Variants in SLC24A2 observed in about 807,000 individuals in gnomAD.
SLC24A2 encodes solute carrier family 24 member 2, also known as sodium/potassium/calcium exchanger 2.
A neutral mutation model predicts 62.0 loss-of-function variants in SLC24A2; 36 were observed. The observed-to-expected ratio is 0.58, with a 90% CI of 0.44 to 0.77. SLC24A2 has a LOEUF of 0.77. Among genes scored for constraint, SLC24A2 ranks in the 30% least tolerant of loss-of-function variants. The pLI is 0.00. For synonymous variants in SLC24A2, 358 were observed against 294.0 expected, an observed-to-expected ratio of 1.22 and a Z score of -2.23; for missense variants, 846 against 817.9, an observed-to-expected ratio of 1.03 and a Z score of -0.42.
chr9:19,951,226 T>TTGTGTGTG, the SLC24A2 span, among the ~76,000 whole-genome samples: 99 of 146,070 alleles, frequency 6.8e-4, no homozygotes, highest in African/African-American at 1.8e-3. Context: ...TTTTCTTAAG[T>TTGTGTGTG]TGTGTGTGTG....
chr9:19,880,859 G>A, the SLC24A2 span, among the ~76,000 whole-genome samples: 1 of 152,170 alleles, frequency 6.6e-6, no homozygotes, highest in Non-Finnish European at 1.5e-5. Flanking sequence ...GCAGGATGTA[G>A]AGGTATAATT....
chr9:19,991,946 C>A, the SLC24A2 span, among the ~76,000 whole-genome samples: 264 of 152,152 alleles, frequency 1.7e-3, 2 homozygotes, highest in African/African-American at 6.0e-3. Flanking sequence ...GACTTGGGGA[C>A]TGGATGGATG....
intron 9 of SLC24A2, among the ~76,000 whole-genome samples, chr9:19,523,451 G>GTT (rs565870398): frequency 6.7e-6 from 1 of 150,098 alleles, no homozygotes; most frequent in African/African-American, 2.4e-5. Flanking sequence ...TAAAAATCTA[G>GTT]TTTTTTTTTT....
chr9:19,873,132 T>G, the SLC24A2 span, among the ~76,000 whole-genome samples: 2 of 152,136 alleles, frequency 1.3e-5, no homozygotes, highest in Non-Finnish European at 2.9e-5. Flanking sequence ...GATTATCAAA[T>G]CAGGTTTAAA....
chr9:19,677,318 C>G (rs1163515502), intron 2 of SLC24A2, among the ~76,000 whole-genome samples: 2 of 150,940 alleles, frequency 1.3e-5, no homozygotes, highest in Admixed American at 1.3e-4. Context: ...CCTCAGCAAA[C>G]TAACACAGGG....
At chr9:20,244,534 G>T in the SLC24A2 span, among the ~76,000 whole-genome samples, 1 of 152,180 alleles carries the variant, frequency 6.6e-6, no homozygotes, top group Non-Finnish European at 1.5e-5. Context: ...ACCACTCCAA[G>T]AGGCGCACCA....
At chr9:19,705,870 G>A (rs964446161) in intron 2 of SLC24A2, among the ~76,000 whole-genome samples, 1 of 152,120 alleles carries the variant, frequency 6.6e-6, no homozygotes, top group Non-Finnish European at 1.5e-5. Flanking sequence ...GTCAATTTTG[G>A]AATAGGTGTG....
At chr9:20,128,603 T>C in the SLC24A2 span, among the ~76,000 whole-genome samples, 5 of 152,196 alleles carry the variant, frequency 3.3e-5, no homozygotes, top group South Asian at 2.1e-4. Flanking sequence ...CAGAATATAT[T>C]TGTAGTGTGA....
intron 2 of SLC24A2, among the ~76,000 whole-genome samples, chr9:19,698,773 A>G (rs1199590837): frequency 1.3e-5 from 2 of 152,216 alleles, no homozygotes; most frequent in Non-Finnish European, 2.9e-5. Context: ...GTATTGCAGA[A>G]GGAAAGGAAT....
chr9:19,982,472 TTGAGA>T, the SLC24A2 span, among the ~76,000 whole-genome samples: 1 of 152,276 alleles, frequency 6.6e-6, no homozygotes, highest in East Asian at 1.9e-4. Flanking sequence ...GCAATGTGAC[TTGAGA>T]TGATTGATAT....
At chr9:19,964,607 C>T in the SLC24A2 span, among the ~76,000 whole-genome samples, 1 of 152,158 alleles carries the variant, frequency 6.6e-6, no homozygotes, top group South Asian at 2.1e-4. Context: ...GCCATATGTC[C>T]ACTTGGTTGG....
chr9:20,285,105 C>A, the SLC24A2 span, among the ~76,000 whole-genome samples: 1 of 152,092 alleles, frequency 6.6e-6, no homozygotes, highest in Non-Finnish European at 1.5e-5. Flanking sequence ...GGAGGTGGCA[C>A]GTCATATTCA....
chr9:19,814,944 G>A, the SLC24A2 span, among the ~76,000 whole-genome samples: 1 of 152,132 alleles, frequency 6.6e-6, no homozygotes, highest in African/African-American at 2.4e-5. Flanking sequence ...TGTTAGGTTT[G>A]GAAAATGTGG....
At chr9:20,096,087 CCGTCCGT>C in the SLC24A2 span, among the ~76,000 whole-genome samples, 2 of 107,142 alleles carry the variant, frequency 1.9e-5, no homozygotes, top group Middle Eastern at 5.2e-3. Context: ...ATCCATCCAT[CCGTCCGT>C]CCGTCCGTCC....
the SLC24A2 span, among the ~76,000 whole-genome samples, chr9:20,054,646 T>C: frequency 9.2e-5 from 14 of 152,176 alleles, no homozygotes; most frequent in African/African-American, 3.1e-4. Flanking sequence ...TGCATTCTCA[T>C]AGCTTAGATC....
At chr9:19,965,318 T>G in the SLC24A2 span, among the ~76,000 whole-genome samples, 5 of 152,178 alleles carry the variant, frequency 3.3e-5, no homozygotes, top group Admixed American at 6.5e-5. Flanking sequence ...GGCCCGGCTG[T>G]GTCCCTTTTA....
chr9:19,557,108 C>A (rs1835131086), intron 7 of SLC24A2, among the ~76,000 whole-genome samples: 1 of 152,176 alleles, frequency 6.6e-6, no homozygotes, highest in African/African-American at 2.4e-5. Flanking sequence ...AGTGCTAGGC[C>A]AACCCTGAGT....
At chr9:19,809,622 T>G in the SLC24A2 span, among the ~76,000 whole-genome samples, 1 of 152,122 alleles carries the variant, frequency 6.6e-6, no homozygotes, top group Non-Finnish European at 1.5e-5. Flanking sequence ...CCCTTCTCTT[T>G]GTCAGCCACA....
At chr9:20,049,379 G>A in the SLC24A2 span, among the ~76,000 whole-genome samples, 2 of 151,948 alleles carry the variant, frequency 1.3e-5, no homozygotes, top group South Asian at 2.1e-4. Context: ...TTTTTTCTTG[G>A]AGTATCTAGC....
Sources: gnomAD v4.1 joint callset for allele counts (sites outside exome capture counted in the v4.1 genomes callset) on GRCh38, gnomAD v4.1.1 for gene constraint, MANE v1.5 for transcripts, NCBI Gene and HGNC (gene_info 2026-07-23, HGNC 2026-07-21) for gene names.